Variants in ST7 observed in about 807,000 individuals in gnomAD.
The protein encoded by ST7 is suppressor of tumorigenicity 7 protein.
Under a neutral mutation model 78.7 loss-of-function variants are expected in ST7, and 28 were observed. That is an observed-to-expected ratio of 0.36 (90% confidence interval 0.26 to 0.49). The LOEUF (loss-of-function observed/expected upper bound fraction) is 0.49. Among genes scored for constraint, ST7 ranks in the 20% least tolerant of loss-of-function variants. ST7 has a pLI of 0.99. For synonymous variants in ST7, 247 were observed against 249.6 expected (o/e 0.99, Z 0.10); for missense variants, 418 against 696.0 (o/e 0.60, Z 4.49).
intron 1 of ST7, among the ~76,000 whole-genome samples, chr7:117,003,261 A>G (rs532497118): frequency 6.6e-6 from 1 of 150,960 alleles, no homozygotes; most frequent in African/African-American, 2.4e-5. Context: ...CCTCCCAAGT[A>G]GCTAAGACTA....
intron 1 of ST7, among the ~76,000 whole-genome samples, chr7:117,034,411 G>A (rs1319128473): frequency 1.3e-5 from 2 of 152,174 alleles, no homozygotes; most frequent in Admixed American, 6.5e-5. Context: ...TGATGTGGGA[G>A]GGGTTAAAAG....
At chr7:117,112,465 G>T (rs1486136918) in intron 2 of ST7, 1 of 152,148 alleles carries the variant, frequency 6.6e-6, no homozygotes, top group Non-Finnish European at 1.5e-5. Context: ...TTTGGCCAAG[G>T]TTATATAGCA....
rs73468753 is a variant in ST7 at position 117,156,955 on chromosome 7, A to T, written c.964-13907A>T. ...TAACGTCAAGGTCTGGAATTTGACT[A>T]TGGAGTCTTCTTATTTTGAGAAGGT... On this transcript the variant is annotated intron_variant, in intron 9 of 15. Transcript: ENST00000323984. Among the ~76,000 whole-genome samples, 369 of 152,278 alleles carry T rather than the reference A, an allele frequency of 2.4e-3. 2 individuals are homozygous for T. The highest frequency in any genetic ancestry group is 8.6e-3 in the African/African-American group (358 of 41,566).
At chr7:116,964,105 C>T (rs1047880290) in intron 1 of ST7, among the ~76,000 whole-genome samples, 1 of 152,130 alleles carries the variant, frequency 6.6e-6, no homozygotes, top group African/African-American at 2.4e-5. Flanking sequence ...AGTATAAAAT[C>T]GTCTTAAATA....
At chr7:117,222,127 C>T (rs1327902933) in intron 15 of ST7, 65 bp downstream of exon 15, 18 of 1,519,312 alleles carry the variant, frequency 1.2e-5, no homozygotes, top group Middle Eastern at 2.1e-4. Context: ...ATAAAAGCAG[C>T]GTGAGAGAAA....
chr7:117,199,451 G>C (rs1277464742), intron 12 of ST7, among the ~76,000 whole-genome samples: 4 of 152,110 alleles, frequency 2.6e-5, no homozygotes, highest in African/African-American at 9.7e-5. Context: ...ACCTTGCTAG[G>C]TCTCCTGTCA....
intron 9 of ST7, among the ~76,000 whole-genome samples, chr7:117,153,022 T>C: frequency 6.6e-6 from 1 of 152,078 alleles, no homozygotes; most frequent in Non-Finnish European, 1.5e-5. Flanking sequence ...CCCAAGTGGA[T>C]TGTGGGTTCA....
At chr7:117,221,137 GA>G (rs1162489233) in intron 14 of ST7, among the ~76,000 whole-genome samples, 1 of 152,192 alleles carries the variant, frequency 6.6e-6, no homozygotes, top group Non-Finnish European at 1.5e-5. Flanking sequence ...CACAGAGAAG[GA>G]GGCGATTCTC....
At chr7:117,221,068 C>G (rs1189055645) in intron 14 of ST7, among the ~76,000 whole-genome samples, 3 of 152,156 alleles carry the variant, frequency 2.0e-5, no homozygotes, top group Non-Finnish European at 2.9e-5. Context: ...GTGGCTCTTT[C>G]TCCTCCTGCA....
chr7:117,076,894 A>C (rs74483269), intron 1 of ST7, among the ~76,000 whole-genome samples: 11,645 of 152,320 alleles, frequency 0.076, 1,149 homozygotes, highest in East Asian at 0.41. Flanking sequence ...CCAGTGTGAC[A>C]GCCTTTTGTA....
chr7:117,000,052 C>T (rs1794852732), intron 1 of ST7, among the ~76,000 whole-genome samples: 1 of 152,110 alleles, frequency 6.6e-6, no homozygotes, highest in African/African-American at 2.4e-5. Context: ...ACCTCGTGAT[C>T]CACCCACCTC....
intron 1 of ST7, among the ~76,000 whole-genome samples, chr7:117,012,343 C>A (rs1443692828): frequency 1.3e-5 from 2 of 149,506 alleles, no homozygotes; most frequent in African/African-American, 4.9e-5. Flanking sequence ...GTATTGTGTA[C>A]TGGTTAAGCA....
chr7:117,184,786 G>A (rs1809093411), intron 10 of ST7, among the ~76,000 whole-genome samples: 1 of 152,126 alleles, frequency 6.6e-6, no homozygotes, highest in Admixed American at 6.5e-5. Context: ...AATGAACAAG[G>A]TCTGTAGTGT....
intron 1 of ST7, among the ~76,000 whole-genome samples, chr7:117,002,177 G>T (rs1794962415): frequency 6.6e-6 from 1 of 152,082 alleles, no homozygotes; most frequent in Non-Finnish European, 1.5e-5. Flanking sequence ...GCAGTGAGCC[G>T]AGGTCGCGCC....
chr7:117,049,035 A>G (rs1797632052), intron 1 of ST7, among the ~76,000 whole-genome samples: 1 of 152,232 alleles, frequency 6.6e-6, no homozygotes, highest in Admixed American at 6.5e-5. Flanking sequence ...TGATGGAACC[A>G]ATCCAGAAAA....
chr7:117,209,702 T>C (rs1792130060), intron 12 of ST7, 85 bp from the exon 13 acceptor site: 1 of 1,478,682 alleles, frequency 6.8e-7, no homozygotes, highest in Non-Finnish European at 9.1e-7. Context: ...GTGGTGGCTT[T>C]AGGGAAATCA....
chr7:116,972,123 A>T, intron 1 of ST7: 1 of 548,824 alleles, frequency 1.8e-6, no homozygotes, highest in South Asian at 1.4e-5. Context: ...AGGCAGAGTC[A>T]GGGTCAGAGG....
At chr7:117,196,696 C>T (rs1243456696) in intron 12 of ST7, among the ~76,000 whole-genome samples, 23 of 100,642 alleles carry the variant, frequency 2.3e-4, no homozygotes, top group Non-Finnish European at 2.9e-4. Context: ...AATATTAACC[C>T]CTTATTAGAT....
intron 2 of ST7, among the ~76,000 whole-genome samples, chr7:117,104,414 T>C (rs1019071254): frequency 6.6e-6 from 1 of 152,286 alleles, no homozygotes; most frequent in East Asian, 1.9e-4. Context: ...CACTCTAGCC[T>C]GGGCAATAGA....
Sources: allele counts gnomAD v4.1 joint callset (sites outside exome capture counted in the v4.1 genomes callset), GRCh38; gene constraint gnomAD v4.1.1; transcripts MANE v1.5; gene names NCBI Gene and HGNC (gene_info 2026-07-23, HGNC 2026-07-21).